MYEF2: variants seen among roughly 807,000 people sequenced by gnomAD.
The protein encoded by MYEF2 is myelin expression factor 2, also known as myelin gene expression factor 2.
Under a neutral mutation model 75.2 loss-of-function variants are expected in MYEF2, and 37 were observed. That is an observed-to-expected ratio of 0.49 (90% CI 0.38 to 0.65). The LOEUF is 0.65. Ranked by LOEUF, MYEF2 falls within the 30% of genes least tolerant of loss-of-function variation. The pLI is 0.00. For missense variants in MYEF2, 634 were observed against 771.4 expected (o/e 0.82, Z 2.11); for synonymous variants, 195 against 241.6 (o/e 0.81, Z 1.79).
rs753514954 is a variant in MYEF2, at chr15:48,153,785, T to A, written c.1087+7A>T. ...TTAAAAAGAAAAGAGGAAGTTAGAA[T>A]ACTCACCACCTGGACCTAAATTTCC... On this transcript the variant is annotated splice_region_variant and intron_variant, in intron 10 of 16. Coordinates refer to ENST00000324324, the MANE Select transcript of MYEF2 (RefSeq NM_016132.5). The A allele has an allele frequency of 6.2e-7, 1 of 1,610,328 alleles. No homozygotes were observed. The highest frequency in any genetic ancestry group is 8.5e-7 in the Non-Finnish European group (1 of 1,176,954).
chr15:48,170,818 G>A (rs904276415), intron 1 of MYEF2, among the ~76,000 whole-genome samples: 3 of 152,170 alleles, frequency 2.0e-5, no homozygotes, highest in African/African-American at 7.2e-5. Flanking sequence ...ACCTCGCACG[G>A]TGACTGCATA....
At chr15:48,151,027 G>A (rs982612814) in intron 14 of MYEF2, 73 bp downstream of exon 14, 94 of 1,015,170 alleles carry the variant, frequency 9.3e-5, no homozygotes, top group East Asian at 5.0e-5. Flanking sequence ...ACTATACTAC[G>A]ATAACTACTC....
intron 9 of MYEF2, chr15:48,157,011 G>GA (rs1287016196): frequency 1.3e-5 from 2 of 151,878 alleles, no homozygotes; most frequent in African/African-American, 2.4e-5. Context: ...TTATTTTAAA[G>GA]AAAAAAATCT....
At chr15:48,147,128 T>C (rs1299215690) in intron 16 of MYEF2, among the ~76,000 whole-genome samples, 3 of 151,990 alleles carry the variant, frequency 2.0e-5, no homozygotes, top group African/African-American at 4.8e-5. Context: ...TTAACCATTA[T>C]TTTATATGGC....
intron 5 of MYEF2, among the ~76,000 whole-genome samples, chr15:48,163,681 T>C (rs985884981): frequency 5.9e-5 from 9 of 152,174 alleles, no homozygotes; most frequent in African/African-American, 1.7e-4. Flanking sequence ...AAAGGCCACA[T>C]TGACTCTTTT....
chr15:48,172,261 G>A (rs758639341), intron 1 of MYEF2, among the ~76,000 whole-genome samples: 12 of 152,052 alleles, frequency 7.9e-5, no homozygotes, highest in African/African-American at 1.7e-4. Context: ...TTAGCCAGAC[G>A]TAGTGATGCA....
intron 16 of MYEF2, among the ~76,000 whole-genome samples, chr15:48,146,752 G>C (rs924122822): frequency 6.6e-6 from 1 of 152,010 alleles, no homozygotes; most frequent in Non-Finnish European, 1.5e-5. Context: ...TACTGCCCAA[G>C]AGGCCATTAC....
At chr15:48,164,515 T>C (rs1368650343) in intron 5 of MYEF2, among the ~76,000 whole-genome samples, 2 of 152,204 alleles carry the variant, frequency 1.3e-5, no homozygotes, top group Non-Finnish European at 2.9e-5. Context: ...ATAAATTTAA[T>C]TGATAAAGCA....
At chr15:48,157,372 A>T (rs980403962) in intron 9 of MYEF2, 2 of 152,164 alleles carry the variant, frequency 1.3e-5, no homozygotes, top group African/African-American at 4.8e-5. Context: ...GAGAACTGTA[A>T]ATCTACTTCA....
Position 48,139,013 on chromosome 15 carries a change from AT to A in MYEF2, c.*3894del. On this transcript the variant is annotated 3_prime_UTR_variant, in exon 17 of 17. Transcript: ENST00000324324. The stretch of plus-strand genomic sequence containing the variant: ...CATGCCTGAAGCAGACTTAAAAAGA[AT>A]TTTTTGGGTATTATCCCTTCCTATT... The A allele has an allele frequency of 1.2e-6, 2 of 1,613,044 alleles. No homozygotes were observed. The highest frequency in any genetic ancestry group is 2.2e-5 in the East Asian group (1 of 44,762).
chr15:48,152,570 C>CT (rs1567248735), intron 10 of MYEF2: 19 of 329,816 alleles, frequency 5.8e-5, no homozygotes, highest in East Asian at 1.0e-4. Flanking sequence ...TAATCATTCA[C>CT]TTTTTTTTCC....
intron 5 of MYEF2, among the ~76,000 whole-genome samples, chr15:48,160,479 C>G (rs1280334038): frequency 1.9e-5 from 1 of 51,996 alleles, no homozygotes; most frequent in African/African-American, 9.4e-5. Context: ...TTAAACAAAA[C>G]CAAACATACA....
intron 9 of MYEF2, among the ~76,000 whole-genome samples, chr15:48,154,547 T>C (rs1393382226): frequency 6.6e-6 from 1 of 152,114 alleles, no homozygotes; most frequent in Non-Finnish European, 1.5e-5. Context: ...AGATTACTTA[T>C]AAAGAAAGGA....
rs2038930474 is a variant in MYEF2, at chr15:48,137,477, C to T, written c.*5431G>A. 1 of 152,126 alleles carries T rather than the reference C, an allele frequency of 6.6e-6. No individual in the cohort carries two copies. Among genetic ancestry groups the T allele is most frequent in the African/African-American group, 2.4e-5 (1 of 41,392 alleles). The allele number at this position is 152,126 out of a possible 1,614,324, so 9.4% of individuals were successfully genotyped here. ...CTATTTTAAGAATCTTGGAAGGTTT[C>T]TGAGGAGAGAAATTATTAGAACTGT... On this transcript the variant is annotated 3_prime_UTR_variant, in exon 17 of 17. Coordinates refer to ENST00000324324, the MANE Select transcript of MYEF2 (RefSeq NM_016132.5).
At position 48,168,731 on chromosome 15, in the gene MYEF2, G is replaced by T; in HGVS notation, c.270C>A (p.Gly90=). Residue 90 remains glycine (G), a synonymous_variant, in exon 2 of 17, where the codon GGC becomes GGA. Coordinates refer to ENST00000324324, the MANE Select transcript of MYEF2 (RefSeq NM_016132.5). ...GATTTGGACCCTTCTTTTCTCCAGCGCCCGAATTCTTGTCTTTTGAATAAG... is the reference window on the plus strand; with the variant it reads ...GATTTGGACCCTTCTTTTCTCCAGCTCCCGAATTCTTGTCTTTTGAATAAG... ...FHPYSKDKNS[G]AGEKKGPNRN... The T allele has an allele frequency of 1.2e-6, 2 of 1,613,374 alleles. No homozygotes were observed. Among genetic ancestry groups the T allele is most frequent in the Non-Finnish European group, 1.7e-6 (2 of 1,179,472 alleles).
At position 48,142,364 on chromosome 15, in the gene MYEF2, T is replaced by C. The variant is rs1235648875; in HGVS notation, c.*544A>G. ...CTGTGGAGGTTGATATTATTAATAG[T>C]GTTATGCAGAAAATATGAATGGCAG... On this transcript the variant is annotated 3_prime_UTR_variant, in exon 17 of 17. Transcript: ENST00000324324. 1.3e-6 allele frequency: 2 copies of C among 1,498,348 alleles called. No homozygotes were observed. The highest frequency in any genetic ancestry group is 9.0e-7 in the Non-Finnish European group (1 of 1,108,998). The allele number at this position is 1,498,348 out of a possible 1,614,324, so 92.8% of individuals were successfully genotyped here.
chr15:48,138,982 T>C lies in MYEF2; in HGVS notation c.*3926A>G. ...TTTCCACAACAGATCCACCAAGTGT[T>C]TTCAACATGCCTGAAGCAGACTTAA... is the stretch of plus-strand genomic sequence containing the variant. On this transcript the variant is annotated 3_prime_UTR_variant, in exon 17 of 17. Coordinates refer to ENST00000324324, the MANE Select transcript of MYEF2 (RefSeq NM_016132.5). The C allele has an allele frequency of 6.2e-7, 1 of 1,612,104 alleles. No individual in the cohort carries two copies. Among genetic ancestry groups the C allele is most frequent in the South Asian group, 1.1e-5 (1 of 90,880 alleles).
intron 16 of MYEF2, among the ~76,000 whole-genome samples, chr15:48,144,157 G>T (rs1352867838): frequency 2.0e-5 from 3 of 151,958 alleles, no homozygotes; most frequent in African/African-American, 7.2e-5. Context: ...GACATATTTA[G>T]TTCTAGGAAG....
intron 5 of MYEF2, among the ~76,000 whole-genome samples, chr15:48,161,062 T>TATATA (rs2039922833): frequency 6.6e-6 from 1 of 152,136 alleles, no homozygotes; most frequent in Non-Finnish European, 1.5e-5. Context: ...TTCGGTTGTT[T>TATATA]GTGCTTATAA....
Sources: allele counts gnomAD v4.1 joint callset (sites outside exome capture counted in the v4.1 genomes callset), GRCh38; gene constraint gnomAD v4.1.1; transcripts MANE v1.5; gene names NCBI Gene and HGNC (gene_info 2026-07-23, HGNC 2026-07-21).